MEMO1: variants seen among roughly 807,000 people sequenced by gnomAD.
The protein encoded by MEMO1 is mediator of cell motility 1.
MEMO1 carries 6 observed loss-of-function variants against 45.2 expected under a neutral mutation model. That is an observed-to-expected ratio of 0.13 (90% CI 0.07 to 0.26). The LOEUF (loss-of-function observed/expected upper bound fraction) is 0.26. Among genes scored for constraint, MEMO1 ranks in the 10% least tolerant of loss-of-function variants. The probability of loss-of-function intolerance (pLI) is 1.00; values close to 1 mark genes in which losing one functional copy is unlikely to be tolerated. For synonymous variants in MEMO1, 78 were observed against 124.3 expected, an observed-to-expected ratio of 0.63 and a Z score of 2.48; for missense variants, 184 against 370.5, an observed-to-expected ratio of 0.50 and a Z score of 4.13.
intron 4 of MEMO1, 99 bp from the exon 5 acceptor site, chr2:31,921,009 T>A (rs1169314377): frequency 7.8e-6 from 6 of 771,524 alleles, no homozygotes; most frequent in Non-Finnish European, 1.2e-5. Context: ...TCACTTGTTT[T>A]CCTTCTTAAT....
intron 8 of MEMO1, among the ~76,000 whole-genome samples, chr2:31,881,746 ACCTGTAATCCCAGCACTCTGGGAGG>A (rs1675414736): frequency 6.6e-6 from 1 of 152,194 alleles, no homozygotes; most frequent in East Asian, 1.9e-4. Context: ...GGCAGCTCAC[ACCTGTAATCCCAGCACTCTGGGAGG>A]CAGGAGGGTT....
At chr2:31,978,684 T>G (rs538936337) in intron 2 of MEMO1, among the ~76,000 whole-genome samples, 4 of 152,340 alleles carry the variant, frequency 2.6e-5, no homozygotes, top group African/African-American at 9.6e-5. Context: ...CCTTCCAAAG[T>G]GCTGGGGCTG....
At chr2:31,905,516 TC>T (rs1425665277) in intron 6 of MEMO1, among the ~76,000 whole-genome samples, 1 of 152,180 alleles carries the variant, frequency 6.6e-6, no homozygotes, top group African/African-American at 2.4e-5. Flanking sequence ...CATTCTAAAC[TC>T]TATTTTTAAA....
intron 8 of MEMO1, among the ~76,000 whole-genome samples, chr2:31,872,500 T>C (rs962918250): frequency 6.6e-6 from 1 of 152,178 alleles, no homozygotes; most frequent in African/African-American, 2.4e-5. Context: ...ATCACATTTA[T>C]ATACTGATAT....
At chr2:31,924,471 G>A (rs1188117880) in intron 4 of MEMO1, among the ~76,000 whole-genome samples, 3 of 150,026 alleles carry the variant, frequency 2.0e-5, no homozygotes, top group Non-Finnish European at 3.0e-5. Context: ...CCTTTAACAC[G>A]AAAAAATGGG....
At position 31,977,298 on chromosome 2, in the gene MEMO1, G is replaced by T. The variant is rs533349324; in HGVS notation, c.61+32889C>A. On this transcript the variant is annotated intron_variant, in intron 2 of 9. Transcript: ENST00000404530. The stretch of plus-strand genomic sequence containing the variant: ...TTCTGTGTAGACAGACAGTCAATGG[G>T]GAGCCACTGAAGGTTTAGGACTTCT... Among the ~76,000 whole-genome samples the T allele has an allele frequency of 3.9e-5, 6 of 152,064 alleles. No homozygotes were observed. The South Asian group carries it at 1.2e-3, about 32-fold the overall frequency.
intron 3 of MEMO1, among the ~76,000 whole-genome samples, chr2:31,943,093 C>T (rs1023776694): frequency 6.6e-6 from 1 of 152,060 alleles, no homozygotes; most frequent in African/African-American, 2.4e-5. Flanking sequence ...GGTAAAACTC[C>T]GTCTCTACTA....
chr2:31,920,985 G>A (rs1450090321), intron 4 of MEMO1, 75 bp from the exon 5 acceptor site: 6 of 991,798 alleles, frequency 6.0e-6, no homozygotes, highest in Non-Finnish European at 9.1e-6. Flanking sequence ...AGAGAAAAAA[G>A]TAATTCTTAC....
At chr2:31,959,407 G>A (rs1349243247) in intron 2 of MEMO1, among the ~76,000 whole-genome samples, 1 of 151,690 alleles carries the variant, frequency 6.6e-6, no homozygotes, top group Admixed American at 6.6e-5. Context: ...AAGAGATAAA[G>A]AGAAGATACA....
chr2:31,924,356 C>T (rs1218543592), intron 4 of MEMO1, among the ~76,000 whole-genome samples: 2 of 151,854 alleles, frequency 1.3e-5, no homozygotes, highest in African/African-American at 4.8e-5. Flanking sequence ...AGAAGCAATG[C>T]CACTTTCTCT....
chr2:31,944,362 G>A (rs72860941), intron 2 of MEMO1, among the ~76,000 whole-genome samples: 19,895 of 151,988 alleles, frequency 0.13, 1,454 homozygotes, highest in Middle Eastern at 0.21. Context: ...AGAAGATAAT[G>A]ATCAATGCTT....
chr2:31,906,399 C>T (rs1442842346), intron 6 of MEMO1, among the ~76,000 whole-genome samples: 2 of 152,112 alleles, frequency 1.3e-5, no homozygotes, highest in Admixed American at 1.3e-4. Context: ...TCTTGGCTCA[C>T]TGCAACCTCC....
At chr2:31,933,776 A>G (rs942963863) in intron 3 of MEMO1, among the ~76,000 whole-genome samples, 12 of 152,130 alleles carry the variant, frequency 7.9e-5, no homozygotes, top group African/African-American at 1.4e-4. Flanking sequence ...TACCTCTGGT[A>G]AAGGAGCCTA....
intron 1 of MEMO1, 101 bp downstream of exon 1, chr2:32,010,841 G>A (rs968483762): frequency 6.6e-6 from 1 of 152,354 alleles, no homozygotes; most frequent in Admixed American, 6.5e-5. Flanking sequence ...GGGCAGCCCC[G>A]CGAGGAGGCA....
chr2:31,868,104 AG>A lies in MEMO1; in HGVS notation c.*256del. ...TTCAAAAAACTGTCTGCCACAACTG[AG>A]CCTTTACATTGTCATCTTTTTTGAT... On this transcript the variant is annotated 3_prime_UTR_variant, in exon 10 of 10. Transcript: ENST00000404530. 1 of 343,210 alleles carries A rather than the reference AG, an allele frequency of 2.9e-6. No individual in the cohort carries two copies. Among genetic ancestry groups the A allele is most frequent in the Non-Finnish European group, 4.9e-6 (1 of 206,018 alleles). The allele number at this position is 343,210 out of a possible 1,614,324, so 21.3% of individuals were successfully genotyped here.
chr2:32,010,285 T>TGAG (rs1161523526), intron 1 of MEMO1, 21 bp from the exon 2 acceptor site: 8 of 1,365,354 alleles, frequency 5.9e-6, no homozygotes, highest in South Asian at 3.9e-5. Context: ...CGAGGATGAA[T>TGAG]GAGGAGGCGG....
At chr2:31,990,033 C>T (rs1464035532) in intron 2 of MEMO1, among the ~76,000 whole-genome samples, 3 of 152,148 alleles carry the variant, frequency 2.0e-5, no homozygotes, top group African/African-American at 4.8e-5. Context: ...GGAAGGATCG[C>T]TTGAGCCCAG....
chr2:31,963,957 T>C (rs1466893855), intron 2 of MEMO1, among the ~76,000 whole-genome samples: 1 of 152,234 alleles, frequency 6.6e-6, no homozygotes, highest in Admixed American at 6.5e-5. Flanking sequence ...ATTGATTATA[T>C]GTTGAAATAA....
At chr2:31,988,525 G>A (rs769754139) in intron 2 of MEMO1, among the ~76,000 whole-genome samples, 28 of 151,982 alleles carry the variant, frequency 1.8e-4, no homozygotes, top group Admixed American at 2.6e-4. Flanking sequence ...CAGCCTGGGC[G>A]ACAAAGCAAG....
Sources: gnomAD v4.1 joint callset for allele counts (sites outside exome capture counted in the v4.1 genomes callset) on GRCh38, gnomAD v4.1.1 for gene constraint, MANE v1.5 for transcripts, NCBI Gene and HGNC (gene_info 2026-07-23, HGNC 2026-07-21) for gene names.